Variants in MAF1 observed in about 807,000 individuals in gnomAD.
MAF1 encodes the protein repressor of RNA polymerase III transcription MAF1 homolog.
A neutral mutation model predicts 31.9 loss-of-function variants in MAF1; 7 were observed. The observed-to-expected ratio is 0.22, with a 90% CI of 0.12 to 0.41. The LOEUF (loss-of-function observed/expected upper bound fraction) is 0.41. MAF1 is among the 10% of genes least tolerant of loss of function. The pLI, the probability that MAF1 is intolerant of heterozygous loss-of-function variation, is 1.00. For missense variants in MAF1, 221 were observed against 323.1 expected (o/e 0.68, Z 2.42); for synonymous variants, 157 against 120.0 (o/e 1.31, Z -2.02).
chr8:144,107,222 A>C lies in MAF1; in HGVS notation c.*113A>C, dbSNP rs1483757510. 6.6e-6 allele frequency: 9 copies of C among 1,371,696 alleles called. No individual in the cohort carries two copies. Among genetic ancestry groups the C allele is most frequent in the Non-Finnish European group, 4.1e-6 (4 of 985,018 alleles). 85.0% of individuals were successfully genotyped at this position (1,371,696 alleles called of 1,614,324 possible). ...GCTGGCCAGACCCTGGCGCTGCCAC[A>C]GTCCTGGCACTGCCCAAGGCCATAC... is the stretch of plus-strand genomic sequence containing the variant. On this transcript the variant is annotated 3_prime_UTR_variant, in exon 8 of 8. Transcript: ENST00000322428.
At chr8:144,106,265 G>T (rs759298051) in intron 4 of MAF1, 24 bp downstream of exon 4, 3 of 1,613,400 alleles carry the variant, frequency 1.9e-6, no homozygotes, top group Non-Finnish European at 2.5e-6. Flanking sequence ...GGAGGGAAGG[G>T]ACCCACAGCC....
chr8:144,104,533 C>T lies in MAF1; in HGVS notation c.-370C>T, dbSNP rs953209175. The T allele has an allele frequency of 6.6e-6, 1 of 152,212 alleles. No individual in the cohort carries two copies. The highest frequency in any genetic ancestry group is 2.4e-5 in the African/African-American group (1 of 41,436). 9.4% of individuals were successfully genotyped at this position (152,212 alleles called of 1,614,324 possible). A position where few individuals can be genotyped will look rare whatever the true frequency, so the allele number is the denominator to read the frequency against. On this transcript the variant is annotated 5_prime_UTR_variant, in exon 1 of 8. Coordinates refer to ENST00000322428, the MANE Select transcript of MAF1 (RefSeq NM_032272.5). ...CCGGGGGAGGCGGAGGTCGCTCGCTCGCTCGCTCGGCTCGCTGACTCGCCG... is the reference window on the plus strand; with the variant it reads ...CCGGGGGAGGCGGAGGTCGCTCGCTTGCTCGCTCGGCTCGCTGACTCGCCG...
At chr8:144,105,245 GC>G (rs1242519679) in intron 1 of MAF1, 5 of 182,604 alleles carry the variant, frequency 2.7e-5, no homozygotes, top group Non-Finnish European at 4.7e-5. Context: ...GAGGGAGACT[GC>G]AGGAGTCACG....
Position 144,106,397 on chromosome 8 carries a change from G to A in MAF1, c.433G>A (p.Asp145Asn). The A allele has an allele frequency of 2.5e-6, 4 of 1,613,976 alleles. No individual in the cohort carries two copies. The highest frequency in any genetic ancestry group is 3.4e-6 in the Non-Finnish European group (4 of 1,180,032). ...CTCAGCTGTGCGGGAGGACTTCAAG[G>A]ATCTGAAACCACAGCTGTGGAACGC... ...LFSAVREDFK[D>N]LKPQLWNAVD... The change falls in exon 5 of 8, where the codon GAT (aspartate) becomes AAT (asparagine). Residue 145 changes from aspartate to asparagine, a missense_variant. Around this residue, in one of 2 missense-constraint regions of MAF1, gnomAD observed 146 missense variants for 263.1 expected, o/e 0.56. Coordinates refer to ENST00000322428, the MANE Select transcript of MAF1 (RefSeq NM_032272.5).
In MAF1 at chr8:144,106,634, C is replaced by T. The variant is rs1836418950; in HGVS notation, c.580C>T (p.Arg194Trp). The part of the protein sequence containing the change: ...WSFNYFFYNK[R>W]LKRIVFFSCR... ...CTTCAACTACTTCTTCTACAACAAG[C>T]GGCTCAAGCGAATCGTCTTCTTTAG... Residue 194 changes from arginine to tryptophan, a missense_variant, in exon 6 of 8, where the codon CGG (arginine) becomes TGG (tryptophan). This residue lies in a region of MAF1 where 146 missense variants were observed against 263.1 expected (regional missense o/e 0.56). Transcript: ENST00000322428. 1.9e-6 allele frequency: 3 copies of T among 1,613,820 alleles called. No individual in the cohort carries two copies. Among genetic ancestry groups the T allele is most frequent in the Non-Finnish European group, 2.5e-6 (3 of 1,179,998 alleles).
At position 144,105,535 on chromosome 8, in the gene MAF1, C is replaced by T. The variant is rs1836394501; in HGVS notation, c.-44-105C>T. On this transcript the variant is annotated intron_variant, in intron 1 of 7. Coordinates refer to ENST00000322428, the MANE Select transcript of MAF1 (RefSeq NM_032272.5). ...CCTGATGTGCAGCCTGGACAGAGGC[C>T]AGACTCAGCTTGTTCCTAGCGGCTC... 7 of 663,260 alleles carry T rather than the reference C, an allele frequency of 1.1e-5. No individual in the cohort carries two copies. The South Asian group carries it at 1.3e-4, about 12-fold the overall frequency. The allele number at this position is 663,260 out of a possible 1,614,324, so 41.1% of individuals were successfully genotyped here.
intron 6 of MAF1, 41 bp downstream of exon 6, chr8:144,106,715 C>G: frequency 6.3e-7 from 1 of 1,598,494 alleles, no homozygotes; most frequent in Non-Finnish European, 8.5e-7. Context: ...CCTGTTGGGC[C>G]GATACAACTT....
In MAF1 at chr8:144,105,650, C is replaced by T. The variant is rs528632290; in HGVS notation, c.-34C>T. 3 of 1,590,602 alleles carry T rather than the reference C, an allele frequency of 1.9e-6. No individual in the cohort carries two copies. The highest frequency in any genetic ancestry group is 2.7e-5 in the African/African-American group (2 of 74,588). On this transcript the variant is annotated 5_prime_UTR_variant, in exon 2 of 8. Coordinates refer to ENST00000322428, the MANE Select transcript of MAF1 (RefSeq NM_032272.5). ...TCTCTCACTCCCCAGGCAATACTAGCCCCTCTGGAGCACGGAGCTCCTTCC... is the reference window on the plus strand; with the variant it reads ...TCTCTCACTCCCCAGGCAATACTAGTCCCTCTGGAGCACGGAGCTCCTTCC...
intron 3 of MAF1, 31 bp downstream of exon 3, chr8:144,106,028 G>T (rs1355154873): frequency 6.2e-7 from 1 of 1,613,404 alleles, no homozygotes; most frequent in Non-Finnish European, 8.5e-7. Flanking sequence ...CCTGGGGCTG[G>T]GGGTTGAGGG....
In MAF1 at chr8:144,106,080, A is replaced by C. The variant is rs200075787; in HGVS notation, c.217A>C (p.Ser73Arg). Residue 73 changes from serine to arginine, a missense_variant, in exon 4 of 8, where the codon AGC becomes CGC. Ser to Arg is a moderately radical substitution (Grantham distance 110). This residue lies in a region of MAF1 where 146 missense variants were observed against 263.1 expected (regional missense o/e 0.56). Transcript: ENST00000322428. ...CTGATGGTTCTGTCTGTGCAGACTC[A>C]GCAAAAGCCAAGGCGGTGAGGAGGA... The part of the protein sequence containing the change: ...QTSGLSPSRL[S>R]KSQGGEEEGP... 6.2e-7 allele frequency: 1 copy of C among 1,613,540 alleles called. No homozygotes were observed. The highest frequency in any genetic ancestry group is 8.5e-7 in the Non-Finnish European group (1 of 1,180,020).
In MAF1 at chr8:144,107,114, G is replaced by A. The variant is rs898950267; in HGVS notation, c.*5G>A. ...GTCCCAGTGATCTGTATTTGATGAGGAGGAGCCGAGGCCCCAGCTTCATCC... is the reference window on the plus strand; with the variant it reads ...GTCCCAGTGATCTGTATTTGATGAGAAGGAGCCGAGGCCCCAGCTTCATCC... On this transcript the variant is annotated 3_prime_UTR_variant, in exon 8 of 8. Transcript: ENST00000322428. 1 of 1,564,458 alleles carries A rather than the reference G, an allele frequency of 6.4e-7. No homozygotes were observed. Among genetic ancestry groups the A allele is most frequent in the Non-Finnish European group, 8.7e-7 (1 of 1,154,636 alleles).
chr8:144,107,151 A>C lies in MAF1; in HGVS notation c.*42A>C, dbSNP rs373113184. On this transcript the variant is annotated 3_prime_UTR_variant, in exon 8 of 8. Coordinates refer to ENST00000322428, the MANE Select transcript of MAF1 (RefSeq NM_032272.5). The stretch of plus-strand genomic sequence containing the variant: ...CCCCAGCTTCATCCAGCTTCAACCA[A>C]TGCCTGGACCTGTCCACCTGAGAGG... The C allele has an allele frequency of 6.4e-7, 1 of 1,551,136 alleles. No homozygotes were observed. Among genetic ancestry groups the C allele is most frequent in the Non-Finnish European group, 8.7e-7 (1 of 1,146,954 alleles).
chr8:144,106,851 C>G lies in MAF1; in HGVS notation c.637C>G (p.Pro213Ala). Residue 213 changes from proline to alanine, a missense_variant, in exon 7 of 8, where the codon CCC becomes GCC. Pro to Ala is a conservative substitution (Grantham distance 27). Coordinates refer to ENST00000322428, the MANE Select transcript of MAF1 (RefSeq NM_032272.5). Reference sequence around the variant, plus strand: ...TCCCCTCAGTGGCTCCACCTACACACCCTCAGAGGCAGGCAACGAGCTGGA... The same window carrying G: ...TCCCCTCAGTGGCTCCACCTACACAGCCTCAGAGGCAGGCAACGAGCTGGA... ...CRSISGSTYT[P>A]SEAGNELDME... The G allele has an allele frequency of 6.5e-7, 1 of 1,532,464 alleles. No homozygotes were observed. Among genetic ancestry groups the G allele is most frequent in the Non-Finnish European group, 8.8e-7 (1 of 1,142,318 alleles). 94.9% of individuals were successfully genotyped at this position (1,532,464 alleles called of 1,614,324 possible). A position where few individuals can be genotyped will look rare whatever the true frequency, so the allele number is the denominator to read the frequency against.
Position 144,106,369 on chromosome 8 carries a change from G to C in MAF1, c.405G>C (p.Leu135=), listed in dbSNP as rs749832709. The C allele has an allele frequency of 1.2e-6, 2 of 1,613,968 alleles. No individual in the cohort carries two copies. Among genetic ancestry groups the C allele is most frequent in the South Asian group, 1.1e-5 (1 of 91,088 alleles). Reference sequence around the variant, plus strand: ...TGGTGAATGCAGTCAACTGCAGTCTGTTCTCAGCTGTGCGGGAGGACTTCA... The same window carrying C: ...TGGTGAATGCAGTCAACTGCAGTCTCTTCTCAGCTGTGCGGGAGGACTTCA... ...SWVVNAVNCS[L]FSAVREDFKD... The change falls in exon 5 of 8, where the codon CTG becomes CTC. Residue 135 remains leucine (L), a synonymous_variant. Coordinates refer to ENST00000322428, the MANE Select transcript of MAF1 (RefSeq NM_032272.5).
chr8:144,105,501 A>G, intron 1 of MAF1, 139 bp from the exon 2 acceptor site: 1 of 606,342 alleles, frequency 1.6e-6, no homozygotes, highest in Non-Finnish European at 2.9e-6. Context: ...CCGGGCAGAG[A>G]GGGGAGCTCC....
At position 144,106,651 on chromosome 8, in the gene MAF1, C is replaced by T. The variant is rs141000732; in HGVS notation, c.597C>T (p.Val199=). Residue 199 remains valine, a synonymous_variant, in exon 6 of 8, where the codon GTC becomes GTT. Coordinates refer to ENST00000322428, the MANE Select transcript of MAF1 (RefSeq NM_032272.5). ...ACAACAAGCGGCTCAAGCGAATCGT[C>T]TTCTTTAGCTGCCGTTCCATCAGGT... is the stretch of plus-strand genomic sequence containing the variant. The part of the protein sequence containing the change: ...FFYNKRLKRI[V]FFSCRSISGS... 16 of 1,613,434 alleles carry T rather than the reference C, an allele frequency of 9.9e-6. 1 individual carries two copies. The African/African-American group carries it at 1.1e-4, about 11-fold the overall frequency.
In MAF1 at chr8:144,107,210, T is replaced by C; in HGVS notation, c.*101T>C. The C allele has an allele frequency of 6.9e-7, 1 of 1,444,408 alleles. No individual in the cohort carries two copies. The highest frequency in any genetic ancestry group is 9.5e-7 in the Non-Finnish European group (1 of 1,051,070). The allele number at this position is 1,444,408 out of a possible 1,614,324, so 89.5% of individuals were successfully genotyped here. On this transcript the variant is annotated 3_prime_UTR_variant, in exon 8 of 8. Coordinates refer to ENST00000322428, the MANE Select transcript of MAF1 (RefSeq NM_032272.5). The stretch of plus-strand genomic sequence containing the variant: ...GCCTCCCCAGCTGCTGGCCAGACCC[T>C]GGCGCTGCCACAGTCCTGGCACTGC...
rs372815387 is a variant in MAF1, at chr8:144,107,484, A to G, written c.*375A>G. The stretch of plus-strand genomic sequence containing the variant: ...GGAGGCCCCACGAGCAGGCCCCAGC[A>G]GTCACCGGCTCTGGTCTTGGGCCGG... On this transcript the variant is annotated 3_prime_UTR_variant, in exon 8 of 8. Coordinates refer to ENST00000322428, the MANE Select transcript of MAF1 (RefSeq NM_032272.5). 5.0e-4 allele frequency: 297 copies of G among 588,388 alleles called. 2 individuals carry two copies. Among genetic ancestry groups the G allele is most frequent in the African/African-American group, 4.9e-3 (265 of 53,756 alleles). The allele number at this position is 588,388 out of a possible 1,614,324, so 36.4% of individuals were successfully genotyped here.
At position 144,106,062 on chromosome 8, in the gene MAF1, TTC is replaced by T; in HGVS notation, c.213-12_213-11del. The T allele has an allele frequency of 6.2e-7, 1 of 1,613,602 alleles. No homozygotes were observed. The highest frequency in any genetic ancestry group is 2.2e-5 in the East Asian group (1 of 44,876). ...GGGAGGTGATGGGCCCAGCTGATGG[TTC>T]TGTCTGTGCAGACTCAGCAAAAGCC... On this transcript the variant is annotated splice_polypyrimidine_tract_variant and intron_variant, in intron 3 of 7. Coordinates refer to ENST00000322428, the MANE Select transcript of MAF1 (RefSeq NM_032272.5).
Sources: gnomAD v4.1 joint callset for allele counts on GRCh38, gnomAD v4.1.1 for gene constraint, gnomAD v4.1.1 regional missense constraint, MANE v1.5 for transcripts, NCBI Gene and HGNC (gene_info 2026-07-23, HGNC 2026-07-21) for gene names.